VGF: variants seen among roughly 807,000 people sequenced by gnomAD.
The protein encoded by VGF is neurosecretory protein VGF.
In VGF, 13 loss-of-function variants were observed where a neutral mutation model predicts 41.1. The ratio of observed to expected loss-of-function variants is 0.32; its 90% CI spans 0.21 to 0.50. VGF has a LOEUF of 0.50. Ranked by LOEUF, VGF falls within the 20% of genes least tolerant of loss-of-function variation. The pLI is 0.98. For synonymous variants in VGF, 473 were observed against 418.3 expected, an observed-to-expected ratio of 1.13 and a Z score of -1.60; for missense variants, 920 against 882.1, an observed-to-expected ratio of 1.04 and a Z score of -0.54.
In VGF at chr7:101,163,105, T is replaced by C; in HGVS notation, c.1739A>G (p.Glu580Gly). The change falls in exon 2 of 2, where the codon GAG becomes GGG. Residue 580 changes from glutamate to glycine, a missense_variant. Physicochemically the swap from Glu to Gly is moderately conservative, Grantham distance 98. Around this residue, in one of 3 missense-constraint regions of VGF, gnomAD observed 257 missense variants for 217.2 expected, o/e 1.18. Transcript: ENST00000249330. The surrounding 1 kb of genome is among the most constrained non-coding windows in gnomAD (Gnocchi z 5.0). ...LPPSRHYPGR[E>G]AQARRAQEEA... is the part of the protein sequence containing the mutation. ...CTCCTGCGCGCGCCGCGCCTGGGCC[T>C]CCCGGCCGGGATAGTGGCGCGAAGG... The C allele has an allele frequency of 6.3e-7, 1 of 1,581,546 alleles. No homozygotes were observed. The highest frequency in any genetic ancestry group is 8.6e-7 in the Non-Finnish European group (1 of 1,167,482).
chr7:101,166,084 CG>C (rs1049767656), upstream of VGF, among the ~76,000 whole-genome samples: 36 of 152,138 alleles, frequency 2.4e-4, no homozygotes, highest in African/African-American at 8.7e-4. Context: ...ACCAGGGGGC[CG>C]GGTTCCCCAC....
chr7:101,163,215 G>C lies in VGF; in HGVS notation c.1629C>G (p.Tyr543Ter). Residue 543 changes from tyrosine to a stop codon, truncating the protein, a stop_gained, in exon 2 of 2, where the codon TAC becomes TAG. Coordinates refer to ENST00000249330, the MANE Select transcript of VGF (RefSeq NM_003378.4). LOFTEE classifies it high-confidence loss of function. The surrounding 1 kb of genome is among the most constrained non-coding windows in gnomAD (Gnocchi z 5.0). ...EEDEVYPPGP[Y>*]HPFPNYIRPR... Reference sequence around the variant, plus strand: ...GCCGGATGTAGTTGGGGAAAGGGTGGTACGGCCCTGGCGGGTACACCTCGT... The same window carrying C: ...GCCGGATGTAGTTGGGGAAAGGGTGCTACGGCCCTGGCGGGTACACCTCGT... 2 of 1,544,934 alleles carry C rather than the reference G, an allele frequency of 1.3e-6. No homozygotes were observed. Among genetic ancestry groups the C allele is most frequent in the Non-Finnish European group, 1.7e-6 (2 of 1,151,760 alleles).
rs1448423029 is a variant in VGF at position 101,164,531 on chromosome 7, C to G, written c.313G>C (p.Gly105Arg). Residue 105 changes from glycine (G) to arginine (R), a missense_variant, in exon 2 of 2, where the codon GGG becomes CGG. Gly to Arg is a moderately radical substitution (Grantham distance 125). Coordinates refer to ENST00000249330, the MANE Select transcript of VGF (RefSeq NM_003378.4). ...SPPAPSGSQQGPEEEAAEALL... is the reference protein window; with the variant it reads ...SPPAPSGSQQRPEEEAAEALL... ...GCTTCAGCTGCTTCTTCCTCCGGCC[C>G]CTGCTGGGAGCCGCTTGGTGCCGGG... 9 of 1,599,240 alleles carry G rather than the reference C, an allele frequency of 5.6e-6. No homozygotes were observed. In the African/African-American group the frequency reaches 1.1e-4, roughly 19 times the overall value.
upstream of VGF, among the ~76,000 whole-genome samples, chr7:101,167,348 A>G (rs1461801078): frequency 6.6e-6 from 1 of 152,104 alleles, no homozygotes; most frequent in African/African-American, 2.4e-5. The surrounding 1 kb of genome is among the most constrained non-coding windows in gnomAD (Gnocchi z 4.2). Flanking sequence ...GAGAAAAAAA[A>G]ACTGAGAACC....
Position 101,164,547 on chromosome 7 carries a change from T to G in VGF, c.297A>C (p.Pro99=), listed in dbSNP as rs1170641005. The part of the protein sequence containing the change: ...ALDRPASPPA[P]SGSQQGPEEE... ...CCTCCGGCCCCTGCTGGGAGCCGCT[T>G]GGTGCCGGGGGTGAGGCGGGACGGT... The change falls in exon 2 of 2, where the codon CCA becomes CCC. Residue 99 remains proline (P), a synonymous_variant. Transcript: ENST00000249330. 6.3e-7 allele frequency: 1 copy of G among 1,599,232 alleles called. No homozygotes were observed. The highest frequency in any genetic ancestry group is 8.5e-7 in the Non-Finnish European group (1 of 1,177,726).
At position 101,162,855 on chromosome 7, in the gene VGF, C is replaced by T. The variant is rs1319829064; in HGVS notation, c.*141G>A. On this transcript the variant is annotated 3_prime_UTR_variant, in exon 2 of 2. Transcript: ENST00000249330. The surrounding 1 kb of genome is among the most constrained non-coding windows in gnomAD (Gnocchi z 4.2). ...CCCGGGAGGGGGGTCTGGCAGGTCCCGACGCAGCCCGGGGACAGGGGCAGG... is the reference window on the plus strand; with the variant it reads ...CCCGGGAGGGGGGTCTGGCAGGTCCTGACGCAGCCCGGGGACAGGGGCAGG... The T allele has an allele frequency of 1.5e-6, 1 of 683,808 alleles. No homozygotes were observed. Among genetic ancestry groups the T allele is most frequent in the East Asian group, 3.1e-5 (1 of 31,882 alleles). 42.4% of individuals were successfully genotyped at this position (683,808 alleles called of 1,614,324 possible).
At chr7:101,166,158 G>C (rs1797215857), upstream of VGF, among the ~76,000 whole-genome samples, 1 of 152,224 alleles carries the variant, frequency 6.6e-6, no homozygotes, top group Non-Finnish European at 1.5e-5. Flanking sequence ...CTGCACGCCT[G>C]CGGGCGCTGT....
chr7:101,169,297 AACACACACACAC>A (rs58218085), upstream of VGF, among the ~76,000 whole-genome samples: 19 of 150,362 alleles, frequency 1.3e-4, no homozygotes, highest in Non-Finnish European at 2.4e-4. Flanking sequence ...TGGAGAGACT[AACACACACACAC>A]ACACACACAC....
At position 101,163,807 on chromosome 7, in the gene VGF, A is replaced by C; in HGVS notation, c.1037T>G (p.Leu346Arg). ...CGCCTCCTGCAGCCCCCGACCCCCGAGGCCGCGCTGCCGGGCCCCGCCCTG... is the reference window on the plus strand; with the variant it reads ...CGCCTCCTGCAGCCCCCGACCCCCGCGGCCGCGCTGCCGGGCCCCGCCCTG... ...LLQGGARQRG[L>R]GGRGLQEAAE... The change falls in exon 2 of 2, where the codon CTC (leucine) becomes CGC (arginine). Residue 346 changes from leucine to arginine, a missense_variant. Transcript: ENST00000249330. This position sits in a 1 kb window ranked among gnomAD's most constrained non-coding sequence, Gnocchi z 5.0. The C allele has an allele frequency of 1.3e-6, 2 of 1,532,890 alleles. No individual in the cohort carries two copies. The highest frequency in any genetic ancestry group is 1.7e-6 in the Non-Finnish European group (2 of 1,144,890). The allele number at this position is 1,532,890 out of a possible 1,614,324, so 95.0% of individuals were successfully genotyped here. A position where few individuals can be genotyped will look rare whatever the true frequency, so the allele number is the denominator to read the frequency against.
upstream of VGF, chr7:101,165,634 G>A (rs1210803544): frequency 2.0e-6 from 2 of 985,254 alleles, no homozygotes; most frequent in African/African-American, 1.7e-5. Flanking sequence ...GGCGCGCCCC[G>A]CCCCATTGAC....
chr7:101,164,376 G>C lies in VGF; in HGVS notation c.468C>G (p.Leu156=). The part of the protein sequence containing the change: ...GPEASDPSEE[L]EALASLLQEL... ...CCTGGAGCAGGGACGCTAGCGCCTC[G>C]AGCTCCTCGGAGGGATCGCTCGCCT... is the stretch of plus-strand genomic sequence containing the variant. Residue 156 remains leucine (L), a synonymous_variant, in exon 2 of 2, where the codon CTC becomes CTG. Coordinates refer to ENST00000249330, the MANE Select transcript of VGF (RefSeq NM_003378.4). 1 of 1,611,742 alleles carries C rather than the reference G, an allele frequency of 6.2e-7. No individual in the cohort carries two copies. Among genetic ancestry groups the C allele is most frequent in the South Asian group, 1.1e-5 (1 of 91,086 alleles).
chr7:101,163,537 T>C lies in VGF; in HGVS notation c.1307A>G (p.Glu436Gly). 1.2e-6 allele frequency: 2 copies of C among 1,604,472 alleles called. No individual in the cohort carries two copies. The highest frequency in any genetic ancestry group is 1.7e-6 in the Non-Finnish European group (2 of 1,175,836). Residue 436 changes from glutamate (E) to glycine (G), a missense_variant, in exon 2 of 2, where the codon GAG becomes GGG. Transcript: ENST00000249330. The surrounding 1 kb of genome is among the most constrained non-coding windows in gnomAD (Gnocchi z 5.0). ...GHRRKEAEGT[E>G]EGGEEEDDEE... ...GTCGTCCTCCTCCTCCCCGCCCTCC[T>C]CTGTCCCCTCGGCCTCCTTCCGCCG...
In VGF at chr7:101,163,569, C is replaced by T; in HGVS notation, c.1275G>A (p.Pro425=). The change falls in exon 2 of 2, where the codon CCG becomes CCA. Residue 425 remains proline (P), a synonymous_variant. Transcript: ENST00000249330. The surrounding 1 kb of genome is among the most constrained non-coding windows in gnomAD (Gnocchi z 5.0). ...AEDKRSQEET[P]GHRRKEAEGT... is the part of the protein sequence containing the mutation. ...CCTCGGCCTCCTTCCGCCGGTGGCC[C>T]GGCGTCTCCTCCTGGGAGCGCTTGT... 5 of 1,584,238 alleles carry T rather than the reference C, an allele frequency of 3.2e-6. No homozygotes were observed. Among genetic ancestry groups the T allele is most frequent in the Non-Finnish European group, 3.4e-6 (4 of 1,165,334 alleles).
At position 101,164,166 on chromosome 7, in the gene VGF, C is replaced by G; in HGVS notation, c.678G>C (p.Pro226=). 6.6e-7 allele frequency: 1 copy of G among 1,511,328 alleles called. No individual in the cohort carries two copies. The allele number at this position is 1,511,328 out of a possible 1,614,324, so 93.6% of individuals were successfully genotyped here. A position where few individuals can be genotyped will look rare whatever the true frequency, so the allele number is the denominator to read the frequency against. The change falls in exon 2 of 2, where the codon CCG becomes CCC. Residue 226 remains proline (P), a synonymous_variant. Transcript: ENST00000249330. ...TACGCGCCTGGAATTGAGAGGGGGCCGGGGGCGGCAGGGGCGCGCGCTCCG... is the reference window on the plus strand; with the variant it reads ...TACGCGCCTGGAATTGAGAGGGGGCGGGGGGCGGCAGGGGCGCGCGCTCCG... ...RVPERAPLPP[P]APSQFQARMP...
At chr7:101,166,510 G>C (rs1188490736), upstream of VGF, among the ~76,000 whole-genome samples, 2 of 117,350 alleles carry the variant, frequency 1.7e-5, no homozygotes, top group Non-Finnish European at 1.7e-5. Context: ...AGGGGGTTGC[G>C]CAGGTGGGGG....
Position 101,163,999 on chromosome 7 carries a change from G to C in VGF, c.845C>G (p.Pro282Arg). 6.8e-7 allele frequency: 1 copy of C among 1,469,770 alleles called. No homozygotes were observed. Among genetic ancestry groups the C allele is most frequent in the Non-Finnish European group, 8.9e-7 (1 of 1,124,066 alleles). The allele number at this position is 1,469,770 out of a possible 1,614,324, so 91.0% of individuals were successfully genotyped here. A position where few individuals can be genotyped will look rare whatever the true frequency, so the allele number is the denominator to read the frequency against. The change falls in exon 2 of 2, where the codon CCG becomes CGG. Residue 282 changes from proline (P) to arginine (R), a missense_variant. Transcript: ENST00000249330. This position sits in a 1 kb window ranked among gnomAD's most constrained non-coding sequence, Gnocchi z 5.0. The stretch of plus-strand genomic sequence containing the variant: ...GGAGCCGCCCAGGAGTGCGCTCTCC[G>C]GCCGGCGCGCCTTGGGGAACGGGGC... ...VAAPFPKARR[P>R]ESALLGGSEA... is the part of the protein sequence containing the mutation.
rs775796913 is a variant in VGF at position 101,164,739 on chromosome 7, G to C, written c.105C>G (p.Leu35=). 2 of 1,611,388 alleles carry C rather than the reference G, an allele frequency of 1.2e-6. No homozygotes were observed. The highest frequency in any genetic ancestry group is 2.2e-5 in the South Asian group (2 of 90,958). ...CTACCGGCTCTTTATGCTCAGAGCTGAGAGGAGGAGGCTGCGCCTCAGGGC... is the reference window on the plus strand; with the variant it reads ...CTACCGGCTCTTTATGCTCAGAGCTCAGAGGAGGAGGCTGCGCCTCAGGGC... The part of the protein sequence containing the change: ...PGRPEAQPPP[L]SSEHKEPVAG... The change falls in exon 2 of 2, where the codon CTC becomes CTG. Residue 35 remains leucine (L), a synonymous_variant. Transcript: ENST00000249330.
upstream of VGF, among the ~76,000 whole-genome samples, chr7:101,168,438 TG>T (rs1324341625): frequency 6.6e-6 from 1 of 152,098 alleles, no homozygotes; most frequent in Non-Finnish European, 1.5e-5. Context: ...GGGTGAGCTG[TG>T]CCCTTCATAC....
Position 101,164,400 on chromosome 7 carries a change from C to T in VGF, c.444G>A (p.Glu148=), listed in dbSNP as rs1797179930. 6.2e-7 allele frequency: 1 copy of T among 1,610,950 alleles called. No homozygotes were observed. The highest frequency in any genetic ancestry group is 8.5e-7 in the Non-Finnish European group (1 of 1,179,776). The part of the protein sequence containing the change: ...PRPQTPENGP[E]ASDPSEELEA... Reference sequence around the variant, plus strand: ...CGAGCTCCTCGGAGGGATCGCTCGCCTCGGGCCCATTCTCCGGAGTCTGAG... The same window carrying T: ...CGAGCTCCTCGGAGGGATCGCTCGCTTCGGGCCCATTCTCCGGAGTCTGAG... Residue 148 remains glutamate (E), a synonymous_variant, in exon 2 of 2, where the codon GAG becomes GAA. Coordinates refer to ENST00000249330, the MANE Select transcript of VGF (RefSeq NM_003378.4).
Sources: allele counts gnomAD v4.1 joint callset (sites outside exome capture counted in the v4.1 genomes callset), GRCh38; gene constraint gnomAD v4.1.1; regional missense constraint gnomAD v4.1.1; non-coding constraint Gnocchi (gnomAD v3.1); transcripts MANE v1.5; gene names NCBI Gene and HGNC (gene_info 2026-07-23, HGNC 2026-07-21).